The following SLC25A27 variants were observed in gnomAD, a reference collection of about 807,000 sequenced individuals.
SLC25A27 encodes the protein mitochondrial uncoupling protein 4.
A neutral mutation model predicts 49.1 loss-of-function variants in SLC25A27; 35 were observed. That is an observed-to-expected ratio of 0.71 (90% CI 0.54 to 0.95). The LOEUF is 0.95. Ranked by LOEUF, SLC25A27 falls within the 40% of genes least tolerant of loss-of-function variation. SLC25A27 has a pLI of 0.00. For synonymous variants in SLC25A27, 144 were observed against 136.9 expected (o/e 1.05, Z -0.36); for missense variants, 339 against 397.1 (o/e 0.85, Z 1.24).
chr6:46,668,777 A>T lies in SLC25A27; in HGVS notation c.688A>T (p.Thr230Ser). 6.3e-7 allele frequency: 1 copy of T among 1,598,766 alleles called. No individual in the cohort carries two copies. The highest frequency in any genetic ancestry group is 1.1e-5 in the South Asian group (1 of 90,566). The change falls in exon 6 of 9, where the codon ACT becomes TCT. Residue 230 changes from threonine (T) to serine (S), a missense_variant. Coordinates refer to ENST00000371347, the MANE Select transcript of SLC25A27 (RefSeq NM_004277.5). Reference protein sequence around the residue: ...LNTPLEDNIMTHGLSSLCSGL... With the variant: ...LNTPLEDNIMSHGLSSLCSGL... ...TACACCACTTGAGGACAATATCATG[A>T]CTCACGGTTTATCAAGGTAAGGATT...
At chr6:46,659,713 G>A (rs1763101450) in intron 3 of SLC25A27, among the ~76,000 whole-genome samples, 1 of 151,832 alleles carries the variant, frequency 6.6e-6, no homozygotes, top group South Asian at 2.1e-4. Flanking sequence ...AAATTAGCTG[G>A]GTTTGGTGGT....
intron 1 of SLC25A27, 53 bp downstream of exon 1, chr6:46,653,351 G>C: frequency 6.4e-7 from 1 of 1,551,298 alleles, no homozygotes; most frequent in Non-Finnish European, 8.7e-7. Context: ...GCGCCGCGCT[G>C]GGGGAGGGTG....
intron 5 of SLC25A27, among the ~76,000 whole-genome samples, chr6:46,667,906 A>G (rs1236494833): frequency 1.3e-5 from 2 of 152,146 alleles, no homozygotes; most frequent in Non-Finnish European, 2.9e-5. Flanking sequence ...GTTTCCCCCA[A>G]TGTGATCAAA....
chr6:46,668,206 T>C (rs768447430), intron 5 of SLC25A27, among the ~76,000 whole-genome samples: 4 of 152,102 alleles, frequency 2.6e-5, no homozygotes, highest in Admixed American at 6.6e-5. Flanking sequence ...ATTAGCCAGA[T>C]GCACACCTGT....
At chr6:46,657,127 C>T (rs1427383082) in intron 2 of SLC25A27, among the ~76,000 whole-genome samples, 1 of 152,138 alleles carries the variant, frequency 6.6e-6, no homozygotes, top group African/African-American at 2.4e-5. Flanking sequence ...GATCCTGCCA[C>T]TGCTCTCCAG....
chr6:46,669,347 C>T (rs537305514), intron 6 of SLC25A27, among the ~76,000 whole-genome samples: 32 of 152,230 alleles, frequency 2.1e-4, no homozygotes, highest in African/African-American at 4.1e-4. Context: ...GAAAGGGATA[C>T]GAAGGGCTTT....
chr6:46,673,039 A>AAGT (rs1763614397), intron 8 of SLC25A27, among the ~76,000 whole-genome samples: 1 of 152,232 alleles, frequency 6.6e-6, no homozygotes. Context: ...CTGGAAAGGT[A>AAGT]AATTTTGATT....
intron 8 of SLC25A27, among the ~76,000 whole-genome samples, chr6:46,673,855 A>G (rs180896660): frequency 6.6e-6 from 1 of 152,326 alleles, no homozygotes; most frequent in East Asian, 1.9e-4. Flanking sequence ...TAGTAGATGC[A>G]TTGAAAGCTA....
chr6:46,661,803 T>C (rs988927289), intron 3 of SLC25A27, among the ~76,000 whole-genome samples: 2 of 152,214 alleles, frequency 1.3e-5, no homozygotes, highest in Non-Finnish European at 2.9e-5. Context: ...GAACAGTGCC[T>C]GACATGAGCA....
Position 46,664,787 on chromosome 6 carries a change from C to A in SLC25A27, c.520C>A (p.His174Asn). The change falls in exon 5 of 9, where the codon CAT becomes AAT. Residue 174 changes from histidine (H) to asparagine (N), a missense_variant. By Grantham distance (68) the His-to-Asn change is moderately conservative. Coordinates refer to ENST00000371347, the MANE Select transcript of SLC25A27 (RefSeq NM_004277.5). ...EGKPLRFRGV[H>N]HAFAKILAEG... is the part of the protein sequence containing the mutation. ...TATTCTCCTTAGATTTCGTGGTGTA[C>A]ATCATGCATTTGCAAAAATCTTAGC... is the stretch of plus-strand genomic sequence containing the variant. The A allele has an allele frequency of 6.3e-7, 1 of 1,599,468 alleles. No homozygotes were observed. The highest frequency in any genetic ancestry group is 8.5e-7 in the Non-Finnish European group (1 of 1,170,522).
At chr6:46,658,879 G>T (rs200498534) in intron 2 of SLC25A27, 83 bp from the exon 3 acceptor site, 33 of 966,526 alleles carry the variant, frequency 3.4e-5, no homozygotes, top group Non-Finnish European at 5.6e-5. Context: ...AGGCCATGTC[G>T]GAATGTCCTC....
intron 5 of SLC25A27, among the ~76,000 whole-genome samples, chr6:46,667,505 C>T (rs1763363246): frequency 6.6e-6 from 1 of 152,220 alleles, no homozygotes; most frequent in Admixed American, 6.5e-5. Context: ...CATCTAGACT[C>T]TGCTACTTCT....
At chr6:46,667,474 C>T (rs1182711014) in intron 5 of SLC25A27, among the ~76,000 whole-genome samples, 2 of 152,204 alleles carry the variant, frequency 1.3e-5, no homozygotes, top group African/African-American at 4.8e-5. Flanking sequence ...TCAAAAGCCT[C>T]CCCTGGCTTC....
Position 46,662,527 on chromosome 6 carries a change from C to G in SLC25A27, c.506+29C>G, listed in dbSNP as rs372401142. ...AGTTCTCCAATTAACCAATACCTCTCTTTTTCCCTTGGCCACCGTCATATT... is the reference window on the plus strand; with the variant it reads ...AGTTCTCCAATTAACCAATACCTCTGTTTTTCCCTTGGCCACCGTCATATT... On this transcript the variant is annotated intron_variant, in intron 4 of 8. Transcript: ENST00000371347. 436 of 1,609,772 alleles carry G rather than the reference C, an allele frequency of 2.7e-4. 2 individuals are homozygous for G. The African/African-American group carries it at 5.4e-3, about 20-fold the overall frequency.
intron 1 of SLC25A27, chr6:46,653,961 A>G (rs1762871725): frequency 5.7e-6 from 4 of 705,216 alleles, no homozygotes; most frequent in Non-Finnish European, 7.0e-6. Flanking sequence ...TGCTGGGGAG[A>G]CAGAGAAAGA....
Position 46,655,943 on chromosome 6 carries a change from G to A in SLC25A27, c.207G>A (p.Arg69=). The change falls in exon 2 of 9, where the codon AGG becomes AGA. Residue 69 remains arginine, a synonymous_variant. Coordinates refer to ENST00000371347, the MANE Select transcript of SLC25A27 (RefSeq NM_004277.5). Reference sequence around the variant, plus strand: ...GTGCAAGAGAATCTGCCCCCTATAGGGGAATGGTGCGCACAGCTCTAGGGA... The same window carrying A: ...GTGCAAGAGAATCTGCCCCCTATAGAGGAATGGTGCGCACAGCTCTAGGGA... ...GDGARESAPY[R]GMVRTALGII... 6.2e-7 allele frequency: 1 copy of A among 1,613,974 alleles called. No homozygotes were observed. The highest frequency in any genetic ancestry group is 8.5e-7 in the Non-Finnish European group (1 of 1,179,980).
intron 4 of SLC25A27, among the ~76,000 whole-genome samples, chr6:46,664,223 C>G (rs1340574622): frequency 6.6e-6 from 1 of 152,210 alleles, no homozygotes; most frequent in Non-Finnish European, 1.5e-5. Context: ...CATTCTTCAT[C>G]TATCTATAGA....
chr6:46,676,748 G>C lies in SLC25A27; in HGVS notation c.*294G>C. ...ACTTTCACCTTGGGCAAGAAGGTTT[G>C]GCCTTTGAGTTGCTATTCTATGCTG... On this transcript the variant is annotated 3_prime_UTR_variant, in exon 9 of 9. Transcript: ENST00000371347. 6.8e-7 allele frequency: 1 copy of C among 1,478,196 alleles called. No homozygotes were observed. Among genetic ancestry groups the C allele is most frequent in the Non-Finnish European group, 9.2e-7 (1 of 1,081,344 alleles). The allele number at this position is 1,478,196 out of a possible 1,614,324, so 91.6% of individuals were successfully genotyped here.
At chr6:46,653,857 G>T in intron 1 of SLC25A27, 1 of 985,192 alleles carries the variant, frequency 1.0e-6, no homozygotes, top group Non-Finnish European at 1.2e-6. Context: ...CCCAAGGCAG[G>T]ACACCCATTA....
Sources: gnomAD v4.1 joint callset for allele counts (sites outside exome capture counted in the v4.1 genomes callset) on GRCh38, gnomAD v4.1.1 for gene constraint, MANE v1.5 for transcripts, NCBI Gene and HGNC (gene_info 2026-07-23, HGNC 2026-07-21) for gene names.